TTC6: variants seen among roughly 807,000 people sequenced by gnomAD.
The protein encoded by TTC6 is tetratricopeptide repeat domain 6, also known as tetratricopeptide repeat protein 6.
In TTC6, 172 loss-of-function variants were observed where a neutral mutation model predicts 210.4. The observed-to-expected ratio is 0.82, with a 90% confidence interval of 0.72 to 0.93. The LOEUF is 0.93. Ranked by LOEUF, TTC6 falls within the 40% of genes least tolerant of loss-of-function variation. The pLI is 0.00. For synonymous variants in TTC6, 804 were observed against 819.6 expected, an observed-to-expected ratio of 0.98 and a Z score of 0.32; for missense variants, 2,414 against 2,318.1, an observed-to-expected ratio of 1.04 and a Z score of -0.85.
chr14:37,603,815 C>G (rs2095620201), intron 1 of TTC6, among the ~76,000 whole-genome samples: 1 of 152,192 alleles, frequency 6.6e-6, no homozygotes, highest in East Asian at 1.9e-4. Context: ...ATGCAATCGA[C>G]AGTGCAGTCG....
At chr14:37,746,919 C>T (rs982416109) in intron 10 of TTC6, among the ~76,000 whole-genome samples, 3 of 152,114 alleles carry the variant, frequency 2.0e-5, no homozygotes, top group Non-Finnish European at 4.4e-5. Flanking sequence ...TCATTCATAC[C>T]TCCTTGCATG....
intron 1 of TTC6, among the ~76,000 whole-genome samples, chr14:37,654,214 T>C (rs2139433973): frequency 6.6e-6 from 1 of 152,264 alleles, no homozygotes; most frequent in East Asian, 1.9e-4. Flanking sequence ...TGCTTGGTAC[T>C]GTCTTTGAGA....
chr14:37,769,701 T>C (rs936197767), intron 14 of TTC6, among the ~76,000 whole-genome samples: 4 of 150,262 alleles, frequency 2.7e-5, no homozygotes, highest in African/African-American at 9.7e-5. Flanking sequence ...CTTTTTTTCT[T>C]TATTAGTCTT....
At chr14:37,825,114 C>G (rs897628101) in intron 27 of TTC6, among the ~76,000 whole-genome samples, 2 of 152,138 alleles carry the variant, frequency 1.3e-5, no homozygotes, top group African/African-American at 4.8e-5. Flanking sequence ...GAAAGAGCAA[C>G]AGTTTGTTCA....
chr14:37,682,973 C>T lies in TTC6; in HGVS notation c.1257+9C>T, dbSNP rs1287549138. The T allele has an allele frequency of 2.0e-6, 3 of 1,533,732 alleles. No individual in the cohort carries two copies. The highest frequency in any genetic ancestry group is 2.7e-5 in the African/African-American group (2 of 72,866). ...AGTGGGTGTCTTTAACGGTAAGAAA[C>T]TATTTATGTTGGAAACACCTAAGAG... is the stretch of plus-strand genomic sequence containing the variant. On this transcript the variant is annotated intron_variant, in intron 3 of 30. Transcript: ENST00000553443.
intron 14 of TTC6, among the ~76,000 whole-genome samples, chr14:37,778,341 A>G (rs1279718063): frequency 1.4e-5 from 2 of 146,104 alleles, no homozygotes; most frequent in Admixed American, 6.7e-5. Context: ...TGGCAGGTGT[A>G]GGGCTGGTGG....
chr14:37,720,731 T>C (rs2095860247), intron 6 of TTC6, among the ~76,000 whole-genome samples: 1 of 152,098 alleles, frequency 6.6e-6, no homozygotes, highest in Non-Finnish European at 1.5e-5. Context: ...AAAATCCAAT[T>C]CTAAAAGATT....
intron 26 of TTC6, among the ~76,000 whole-genome samples, chr14:37,820,824 A>G (rs1326312365): frequency 6.6e-6 from 1 of 152,172 alleles, no homozygotes; most frequent in Non-Finnish European, 1.5e-5. Flanking sequence ...TTGTTATACT[A>G]TAGTGAGAAG....
At chr14:37,703,909 G>A (rs1342407950) in intron 5 of TTC6, among the ~76,000 whole-genome samples, 1 of 152,010 alleles carries the variant, frequency 6.6e-6, no homozygotes, top group Non-Finnish European at 1.5e-5. Flanking sequence ...TTTAAAGTAG[G>A]CAAAATGATT....
chr14:37,699,262 C>T lies in TTC6; in HGVS notation c.1377-2070C>T, dbSNP rs564528334. The stretch of plus-strand genomic sequence containing the variant: ...TGACAGATGTAGCCCTATGATTTGT[C>T]CTGGAAACTGATGAGAATAGCTAAC... On this transcript the variant is annotated intron_variant, in intron 4 of 30. Coordinates refer to ENST00000553443, the Ensembl canonical transcript of TTC6. Among the ~76,000 whole-genome samples, 6 of 152,292 alleles carry T rather than the reference C, an allele frequency of 3.9e-5. No homozygotes were observed. The East Asian group carries it at 1.2e-3, about 29-fold the overall frequency.
chr14:37,800,466 T>C (rs980237143), intron 20 of TTC6, among the ~76,000 whole-genome samples: 30 of 152,154 alleles, frequency 2.0e-4, no homozygotes, highest in Non-Finnish European at 3.7e-4. Context: ...ATTTTCAACT[T>C]CTCCAGATGG....
chr14:37,744,369 A>C (rs1305553496), intron 10 of TTC6, among the ~76,000 whole-genome samples: 2 of 152,250 alleles, frequency 1.3e-5, no homozygotes, highest in African/African-American at 4.8e-5. Context: ...AAAGCAGTGC[A>C]GCAAAGGTTA....
chr14:37,841,760 A>G (rs2096210751), intron 30 of TTC6, 90 bp downstream of exon 32: 7 of 1,016,932 alleles, frequency 6.9e-6, no homozygotes, highest in Non-Finnish European at 1.0e-5. Context: ...AGGTCTATTT[A>G]TTTAGATAAA....
chr14:37,624,405 C>G (rs2095656620), intron 1 of TTC6, among the ~76,000 whole-genome samples: 1 of 152,170 alleles, frequency 6.6e-6, no homozygotes, highest in South Asian at 2.1e-4. Context: ...TGCTCTACGA[C>G]ATAGTTAAGG....
chr14:37,599,161 G>T (rs1055370359), intron 1 of TTC6, among the ~76,000 whole-genome samples: 3 of 152,216 alleles, frequency 2.0e-5, no homozygotes, highest in Non-Finnish European at 4.4e-5. Flanking sequence ...GGGCCAGGGA[G>T]CCGCGAGACT....
chr14:37,685,234 T>G (rs1017848154), intron 3 of TTC6, among the ~76,000 whole-genome samples: 8 of 152,126 alleles, frequency 5.3e-5, no homozygotes, highest in African/African-American at 1.9e-4. Flanking sequence ...GTTTAACAGG[T>G]ATGGGGATGT....
chr14:37,724,871 T>G, intron 6 of TTC6, 27 bp from the exon 9 acceptor site: 1 of 1,342,154 alleles, frequency 7.5e-7, no homozygotes. Flanking sequence ...TTACCATTTC[T>G]AATAACCTTT....
At chr14:37,630,949 C>CTTTTTTTTTTTTTTTTTTA (rs2095668763) in intron 1 of TTC6, among the ~76,000 whole-genome samples, 1 of 39,480 alleles carries the variant, frequency 2.5e-5, no homozygotes, top group Non-Finnish European at 4.8e-5. Context: ...TTTTTTTTTG[C>CTTTTTTTTTTTTTTTTTTA]TTTCATTTGC....
intron 1 of TTC6, among the ~76,000 whole-genome samples, chr14:37,673,415 G>A (rs1051299912): frequency 2.0e-5 from 3 of 152,124 alleles, no homozygotes; most frequent in African/African-American, 7.2e-5. Flanking sequence ...GTTATCTAAA[G>A]GCAGTGCAGC....
Sources: gnomAD v4.1 joint callset for allele counts (sites outside exome capture counted in the v4.1 genomes callset) on GRCh38, gnomAD v4.1.1 for gene constraint, MANE v1.5 for transcripts, NCBI Gene and HGNC (gene_info 2026-07-23, HGNC 2026-07-21) for gene names.